Variants in CACNG3 observed in about 807,000 individuals in gnomAD.
CACNG3 encodes voltage-dependent calcium channel gamma-3 subunit.
CACNG3 carries 3 observed loss-of-function variants against 28.5 expected under a neutral mutation model. The observed-to-expected ratio is 0.11, with a 90% CI of 0.05 to 0.27. The LOEUF is 0.27. CACNG3 is among the 10% of genes least tolerant of loss of function. CACNG3 has a pLI of 1.00. For synonymous variants in CACNG3, 174 were observed against 162.2 expected, an observed-to-expected ratio of 1.07 and a Z score of -0.55; for missense variants, 236 against 414.4, an observed-to-expected ratio of 0.57 and a Z score of 3.74.
At chr16:24,282,198 G>A (rs922735853) in intron 1 of CACNG3, among the ~76,000 whole-genome samples, 34 of 152,258 alleles carry the variant, frequency 2.2e-4, no homozygotes, top group African/African-American at 7.5e-4. Context: ...GGAGGTTCAG[G>A]TTGAGTGCTT....
intron 1 of CACNG3, among the ~76,000 whole-genome samples, chr16:24,291,470 C>G (rs2141355661): frequency 6.6e-6 from 1 of 152,238 alleles, no homozygotes; most frequent in African/African-American, 2.4e-5. Context: ...TTAAAAAAAT[C>G]AAGTGAGGGG....
intron 3 of CACNG3, among the ~76,000 whole-genome samples, chr16:24,358,186 A>G (rs557989543): frequency 2.0e-4 from 31 of 152,360 alleles, no homozygotes; most frequent in African/African-American, 5.8e-4. Context: ...CTGGGGGGAA[A>G]AAAGAGAAAA....
chr16:24,354,738 G>A (rs1236552956), intron 2 of CACNG3, 95 bp from the exon 3 acceptor site: 8 of 1,268,034 alleles, frequency 6.3e-6, no homozygotes, highest in Non-Finnish European at 7.8e-6. Context: ...TTCTCTTCCT[G>A]TGCTGCCTTC....
intron 1 of CACNG3, among the ~76,000 whole-genome samples, chr16:24,323,219 CAAA>C (rs761999416): frequency 1.5e-5 from 1 of 66,790 alleles, no homozygotes; most frequent in Admixed American, 2.0e-4. Flanking sequence ...GAGCAGGACT[CAAA>C]AAAAAAAAAA....
chr16:24,296,984 G>T (rs1379095801), intron 1 of CACNG3, among the ~76,000 whole-genome samples: 1 of 152,142 alleles, frequency 6.6e-6, no homozygotes, highest in Admixed American at 6.5e-5. Context: ...ATTGACGTTA[G>T]TTGGGTACAG....
At position 24,256,556 on chromosome 16, in the gene CACNG3, G is replaced by C. The variant is rs913876107; in HGVS notation, c.-199G>C. On this transcript the variant is annotated 5_prime_UTR_variant, in exon 1 of 4. Transcript: ENST00000005284. The surrounding 1 kb of genome is among the most constrained non-coding windows in gnomAD (Gnocchi z 4.6). ...CCCCGGAGCCTGCACCCTTCCGAGG[G>C]CCATAGGCGACCCAGGGAACTGGAG... 1.7e-6 allele frequency: 1 copy of C among 588,050 alleles called. No individual in the cohort carries two copies. The highest frequency in any genetic ancestry group is 2.8e-5 in the East Asian group (1 of 35,118). 36.4% of individuals were successfully genotyped at this position (588,050 alleles called of 1,614,324 possible).
intron 1 of CACNG3, among the ~76,000 whole-genome samples, chr16:24,312,222 G>C (rs1244405953): frequency 6.6e-6 from 1 of 152,216 alleles, no homozygotes; most frequent in Non-Finnish European, 1.5e-5. Flanking sequence ...TCTCCGCTCT[G>C]CTATGCCACA....
chr16:24,304,549 C>A (rs1331508585), intron 1 of CACNG3, among the ~76,000 whole-genome samples: 1 of 152,084 alleles, frequency 6.6e-6, no homozygotes, highest in African/African-American at 2.4e-5. Flanking sequence ...GCTAACTTGA[C>A]CTCCAACAGC....
Position 24,302,086 on chromosome 16 carries a change from G to A in CACNG3, c.212-44648G>A, listed in dbSNP as rs995738545. Among the ~76,000 whole-genome samples the A allele has an allele frequency of 3.9e-5, 6 of 152,190 alleles. 1 individual carries two copies. Among genetic ancestry groups the A allele is most frequent in the Admixed American group, 1.3e-4 (2 of 15,278 alleles). On this transcript the variant is annotated intron_variant, in intron 1 of 3. Coordinates refer to ENST00000005284, the MANE Select transcript of CACNG3 (RefSeq NM_006539.4). ...CCTGCTATCCCCATGCTCAGAACCCGTAGGGCCTTGGGCAGCCTGGAAAGC... is the reference window on the plus strand; with the variant it reads ...CCTGCTATCCCCATGCTCAGAACCCATAGGGCCTTGGGCAGCCTGGAAAGC...
chr16:24,277,600 C>A (rs949671783), intron 1 of CACNG3, among the ~76,000 whole-genome samples: 1 of 151,956 alleles, frequency 6.6e-6, no homozygotes. Context: ...AATGGTGAAA[C>A]CCCGTCTCTA....
chr16:24,316,048 AC>A (rs1460577357), intron 1 of CACNG3, among the ~76,000 whole-genome samples: 8 of 152,128 alleles, frequency 5.3e-5, no homozygotes, highest in Admixed American at 5.2e-4. Context: ...ATTTAATGCT[AC>A]AGCAAATTAG....
At chr16:24,325,916 AAGCT>A in intron 1 of CACNG3, among the ~76,000 whole-genome samples, 1 of 152,310 alleles carries the variant, frequency 6.6e-6, no homozygotes, top group East Asian at 1.9e-4. Context: ...GCAGCCACAT[AAGCT>A]ATTGGCTGAT....
At chr16:24,306,868 A>T (rs1899192001) in intron 1 of CACNG3, among the ~76,000 whole-genome samples, 1 of 152,106 alleles carries the variant, frequency 6.6e-6, no homozygotes, top group South Asian at 2.1e-4. Flanking sequence ...CCAGTCTCTC[A>T]ACTAGTAAGA....
intron 2 of CACNG3, among the ~76,000 whole-genome samples, chr16:24,351,480 G>A (rs1275036525): frequency 1.3e-5 from 2 of 151,736 alleles, no homozygotes; most frequent in African/African-American, 4.8e-5. Flanking sequence ...GCTGAGACAG[G>A]AGAATTGCTT....
At chr16:24,344,706 A>G (rs1189962758) in intron 1 of CACNG3, among the ~76,000 whole-genome samples, 1 of 152,208 alleles carries the variant, frequency 6.6e-6, no homozygotes, top group Non-Finnish European at 1.5e-5. Flanking sequence ...GCGGAGAATC[A>G]GAACCAAGGA....
chr16:24,342,234 C>T (rs1408652241), intron 1 of CACNG3, among the ~76,000 whole-genome samples: 1 of 152,082 alleles, frequency 6.6e-6, no homozygotes, highest in Non-Finnish European at 1.5e-5. Context: ...CACCACTGCA[C>T]TCCAGCCTGG....
At chr16:24,286,518 G>T (rs755301261) in intron 1 of CACNG3, among the ~76,000 whole-genome samples, 25 of 151,956 alleles carry the variant, frequency 1.6e-4, no homozygotes, top group Non-Finnish European at 3.4e-4. Flanking sequence ...ACAAATAGCA[G>T]CCCTGAATTT....
At position 24,350,902 on chromosome 16, in the gene CACNG3, T is replaced by C. The variant is rs1899931115; in HGVS notation, c.296-3931T>C. On this transcript the variant is annotated intron_variant, in intron 2 of 3. Coordinates refer to ENST00000005284, the MANE Select transcript of CACNG3 (RefSeq NM_006539.4). ...CAGCTGGAAACCCATAGGTCATATG[T>C]GTACATTTTTACAAATTATAAATAA... 2.0e-5 allele frequency among the ~76,000 whole-genome samples: 3 copies of C among 152,144 alleles called. No individual in the cohort carries two copies. In the South Asian group the frequency reaches 6.2e-4, roughly 32 times the overall value.
chr16:24,284,655 T>C (rs887988556), intron 1 of CACNG3, among the ~76,000 whole-genome samples: 2 of 152,186 alleles, frequency 1.3e-5, no homozygotes, highest in Non-Finnish European at 2.9e-5. Flanking sequence ...TTAAGAATCT[T>C]GGAAGAGCAA....
Sources: gnomAD v4.1 joint callset for allele counts (sites outside exome capture counted in the v4.1 genomes callset) on GRCh38, gnomAD v4.1.1 for gene constraint, Gnocchi (gnomAD v3.1) non-coding constraint, MANE v1.5 for transcripts, NCBI Gene and HGNC (gene_info 2026-07-23, HGNC 2026-07-21) for gene names.